The following DCLRE1C variants were observed in gnomAD, a reference collection of about 807,000 sequenced individuals.
DCLRE1C encodes the protein DNA cross-link repair 1C.
Under a neutral mutation model 61.4 loss-of-function variants are expected in DCLRE1C, and 47 were observed. The ratio of observed to expected loss-of-function variants is 0.77; its 90% CI spans 0.61 to 0.98. The LOEUF (loss-of-function observed/expected upper bound fraction) is 0.98, where lower values mean the gene tolerates loss of function less well. Among genes scored for constraint, DCLRE1C ranks in the 50% least tolerant of loss-of-function variants. The pLI is 0.00. For synonymous variants in DCLRE1C, 337 were observed against 287.6 expected, an observed-to-expected ratio of 1.17 and a Z score of -1.74; for missense variants, 858 against 816.0, an observed-to-expected ratio of 1.05 and a Z score of -0.63.
chr10:14,935,216 C>T (rs1839705534), intron 6 of DCLRE1C, among the ~76,000 whole-genome samples: 1 of 151,890 alleles, frequency 6.6e-6, no homozygotes, highest in African/African-American at 2.4e-5. Context: ...CCTGTAATCC[C>T]AGCACTTTGG....
chr10:14,911,789 C>T (rs1375665295), intron 13 of DCLRE1C, among the ~76,000 whole-genome samples: 2 of 152,056 alleles, frequency 1.3e-5, no homozygotes, highest in Non-Finnish European at 2.9e-5. Context: ...GGCAAAAGAT[C>T]AGAATAGACA....
intron 2 of DCLRE1C, among the ~76,000 whole-genome samples, chr10:14,948,770 TTATA>T (rs35296522): frequency 1.4e-5 from 2 of 143,584 alleles, no homozygotes. Flanking sequence ...TTTGGTAGGA[TTATA>T]TATATATATA....
At chr10:14,914,185 A>T (rs763861711) in intron 13 of DCLRE1C, among the ~76,000 whole-genome samples, 1 of 152,258 alleles carries the variant, frequency 6.6e-6, no homozygotes, top group Admixed American at 6.5e-5. Context: ...CTAGTTAAAA[A>T]TACAGAGATG....
intron 12 of DCLRE1C, among the ~76,000 whole-genome samples, chr10:14,922,356 G>A (rs1478483263): frequency 6.6e-6 from 1 of 151,636 alleles, no homozygotes; most frequent in African/African-American, 2.4e-5. Context: ...CAGGAGAATC[G>A]TTTGAACCCA....
intron 13 of DCLRE1C, among the ~76,000 whole-genome samples, chr10:14,911,493 C>G (rs1033690937): frequency 6.6e-6 from 1 of 151,956 alleles, no homozygotes. Context: ...ATCAGAAATT[C>G]AAGAAGCAGG....
intron 11 of DCLRE1C, among the ~76,000 whole-genome samples, chr10:14,924,535 G>A (rs1837631723): frequency 6.6e-6 from 1 of 152,082 alleles, no homozygotes; most frequent in South Asian, 2.1e-4. Flanking sequence ...GCTTAGCTTG[G>A]TATCTGGTGA....
At chr10:14,928,232 T>A (rs1036264040) in intron 9 of DCLRE1C, 80 bp from the exon 10 acceptor site, 1 of 1,317,232 alleles carries the variant, frequency 7.6e-7, no homozygotes, top group Non-Finnish European at 1.1e-6. Context: ...AAAACAAAAG[T>A]AGAAAAGTTT....
In DCLRE1C at chr10:14,897,755, C is replaced by T. The variant is rs149069257; in HGVS notation, c.*1409G>A. The T allele has an allele frequency of 7.2e-4, 213 of 294,628 alleles. 3 individuals carry two copies. The highest frequency in any genetic ancestry group is 5.4e-3 in the East Asian group (95 of 17,644). The allele number at this position is 294,628 out of a possible 1,614,324, so 18.3% of individuals were successfully genotyped here. On this transcript the variant is annotated 3_prime_UTR_variant, in exon 14 of 14. Coordinates refer to the DCLRE1C transcript ENST00000378289. ...TGATATAGTCATCTTTCAACAAATA[C>T]ACATTCCTACTAGTCAAACCTAGGA... is the stretch of plus-strand genomic sequence containing the variant.
intron 9 of DCLRE1C, among the ~76,000 whole-genome samples, 172 bp downstream of exon 9, chr10:14,932,682 T>A (rs934691853): frequency 6.6e-6 from 1 of 151,900 alleles, no homozygotes; most frequent in African/African-American, 2.4e-5. Flanking sequence ...TGACGAAAAG[T>A]GTGGTCATGG....
chr10:14,900,800 A>G (rs1833953467), downstream of DCLRE1C, among the ~76,000 whole-genome samples: 1 of 152,164 alleles, frequency 6.6e-6, no homozygotes. Context: ...CCAGTGAAAT[A>G]ATAATGTTAT....
chr10:14,941,179 CT>C (rs2131047347), intron 3 of DCLRE1C, among the ~76,000 whole-genome samples: 1 of 152,384 alleles, frequency 6.6e-6, no homozygotes, highest in African/African-American at 2.4e-5. Context: ...AGCTAGTCCT[CT>C]TTTCTAATAT....
chr10:14,945,252 A>G, intron 2 of DCLRE1C, 63 bp from the exon 3 acceptor site: 2 of 1,516,450 alleles, frequency 1.3e-6, no homozygotes, highest in Non-Finnish European at 9.0e-7. Flanking sequence ...GGTGACTAAG[A>G]AATCTATTTC....
At chr10:14,926,197 A>G (rs1837946882) in intron 11 of DCLRE1C, among the ~76,000 whole-genome samples, 1 of 152,214 alleles carries the variant, frequency 6.6e-6, no homozygotes, top group African/African-American at 2.4e-5. Flanking sequence ...TAAGAGCTGA[A>G]AGAAGGCAGA....
intron 3 of DCLRE1C, 105 bp from the exon 4 acceptor site, chr10:14,939,974 T>C: frequency 2.4e-6 from 2 of 844,886 alleles, no homozygotes; most frequent in African/African-American, 1.7e-5. Context: ...TTTCAGACTC[T>C]CTATATAAAC....
intron 13 of DCLRE1C, among the ~76,000 whole-genome samples, chr10:14,913,498 G>A (rs1333885572): frequency 6.6e-6 from 1 of 152,132 alleles, no homozygotes; most frequent in African/African-American, 2.4e-5. Flanking sequence ...GAAGAGGAAT[G>A]GAAATATACT....
rs1224106137 is a variant in DCLRE1C at position 14,908,738 on chromosome 10, TTTGA to T, written c.1745_1748del (p.Ile582LysfsTer13). The stretch of plus-strand genomic sequence containing the variant: ...CCATGAGAGAGGCAGGAATATTCTC[TTTGA>T]TTGTTGGTCTGTAGTCAGCTTTGTC... On this transcript the variant is annotated frameshift_variant, in exon 14 of 14. Coordinates refer to ENST00000378278, the MANE Select transcript of DCLRE1C (RefSeq NM_001033855.3). LOFTEE classifies it low-confidence loss of function (END_TRUNC). 1 of 1,614,086 alleles carries T rather than the reference TTTGA, an allele frequency of 6.2e-7. No homozygotes were observed. The highest frequency in any genetic ancestry group is 8.5e-7 in the Non-Finnish European group (1 of 1,180,042).
chr10:14,945,108 T>G lies in DCLRE1C; in HGVS notation c.243A>C (p.Arg81=). The stretch of plus-strand genomic sequence containing the variant: ...TTATTAAAAAAATAAAACTTACAAT[T>G]CGTTTCTTCCAAAATCTGTATTTCG... The part of the protein sequence containing the change: ...TSPKYRFWKK[R]IISIEIETPT... The change falls in exon 3 of 14, where the codon CGA becomes CGC. Residue 81 remains arginine, a synonymous_variant. Coordinates refer to ENST00000378278, the MANE Select transcript of DCLRE1C (RefSeq NM_001033855.3). 1 of 1,610,628 alleles carries G rather than the reference T, an allele frequency of 6.2e-7. No homozygotes were observed. Among genetic ancestry groups the G allele is most frequent in the Non-Finnish European group, 8.5e-7 (1 of 1,178,112 alleles).
chr10:14,946,073 T>A (rs754118318), intron 2 of DCLRE1C, among the ~76,000 whole-genome samples: 1 of 151,342 alleles, frequency 6.6e-6, no homozygotes, highest in Non-Finnish European at 1.5e-5. Flanking sequence ...GGTGGCGCGA[T>A]CTCGGCTCAA....
intron 4 of DCLRE1C, 57 bp from the exon 5 acceptor site, chr10:14,936,650 C>A: frequency 8.2e-7 from 1 of 1,218,344 alleles, no homozygotes; most frequent in Non-Finnish European, 1.2e-6. Context: ...TAGGACCTAG[C>A]TCAACAAAGC....
Sources: gnomAD v4.1 joint callset for allele counts (sites outside exome capture counted in the v4.1 genomes callset) on GRCh38, gnomAD v4.1.1 for gene constraint, MANE v1.5 for transcripts, NCBI Gene and HGNC (gene_info 2026-07-23, HGNC 2026-07-21) for gene names.